The following SPTLC3 variants were observed in gnomAD, a reference collection of about 807,000 sequenced individuals.
SPTLC3 encodes serine palmitoyltransferase long chain base subunit 3.
Under a neutral mutation model 59.3 loss-of-function variants are expected in SPTLC3, and 36 were observed. That is an observed-to-expected ratio of 0.61 (90% CI 0.47 to 0.80). SPTLC3 has a LOEUF of 0.80. Ranked by LOEUF, SPTLC3 falls within the 30% of genes least tolerant of loss-of-function variation. The pLI is 0.00. For missense variants in SPTLC3, 625 were observed against 685.1 expected, an observed-to-expected ratio of 0.91 and a Z score of 0.98; for synonymous variants, 257 against 240.8, an observed-to-expected ratio of 1.07 and a Z score of -0.62.
In SPTLC3 at chr20:13,168,005, A is replaced by T. The variant is rs1432126516; in HGVS notation, c.*3138A>T. ...ATTCCACAGTCAACCTTCTCTTCTC[A>T]TTGGGACATTTTGTTCCCATTTTCC... On this transcript the variant is annotated 3_prime_UTR_variant, in exon 12 of 12. Coordinates refer to ENST00000399002, the MANE Select transcript of SPTLC3 (RefSeq NM_018327.4). The T allele has an allele frequency of 1.3e-5, 2 of 152,168 alleles. No homozygotes were observed. The highest frequency in any genetic ancestry group is 2.9e-5 in the Non-Finnish European group (2 of 68,032). 9.4% of individuals were successfully genotyped at this position (152,168 alleles called of 1,614,324 possible). A position where few individuals can be genotyped will look rare whatever the true frequency, so the allele number is the denominator to read the frequency against.
intron 2 of SPTLC3, among the ~76,000 whole-genome samples, chr20:13,052,908 T>G (rs956081958): frequency 6.6e-6 from 1 of 152,144 alleles, no homozygotes; most frequent in African/African-American, 2.4e-5. Flanking sequence ...GGTTTATAGA[T>G]GGAACTCCCA....
chr20:13,021,313 C>G (rs963196482), intron 1 of SPTLC3, among the ~76,000 whole-genome samples: 2 of 152,186 alleles, frequency 1.3e-5, no homozygotes, highest in African/African-American at 4.8e-5. Flanking sequence ...CTGCATATCT[C>G]TCATGAAGAT....
chr20:13,071,943 G>C (rs1277335250), intron 2 of SPTLC3, among the ~76,000 whole-genome samples: 1 of 152,070 alleles, frequency 6.6e-6, no homozygotes, highest in Non-Finnish European at 1.5e-5. Flanking sequence ...TTTTTCCAAC[G>C]AAACTGCTTT....
chr20:13,056,903 G>C (rs6041823), intron 2 of SPTLC3, among the ~76,000 whole-genome samples: 132,443 of 151,914 alleles, frequency 0.87, 57,796 homozygotes, highest in East Asian at 0.91. Context: ...CACCATGCCT[G>C]GCTAATTTTT....
rs563032472 is a variant in SPTLC3, at chr20:13,142,379, T to C, written c.1280-11624T>C. Among the ~76,000 whole-genome samples, 69 of 152,168 alleles carry C rather than the reference T, an allele frequency of 4.5e-4. 1 individual carries two copies. Among genetic ancestry groups the C allele is most frequent in the Non-Finnish European group, 9.6e-4 (65 of 68,038 alleles). On this transcript the variant is annotated intron_variant, in intron 9 of 11. Transcript: ENST00000399002. ...GTGATGTAATACATATGGAATTCCA[T>C]GTTGGTTCAGTACAAGTGGGAAAGG...
chr20:13,020,312 A>C (rs1985804132), intron 1 of SPTLC3, among the ~76,000 whole-genome samples: 1 of 151,724 alleles, frequency 6.6e-6, no homozygotes. Flanking sequence ...AGGAGTTTGA[A>C]ACCAGTCTGG....
At chr20:13,139,188 A>G (rs979598607) in intron 9 of SPTLC3, among the ~76,000 whole-genome samples, 2 of 152,218 alleles carry the variant, frequency 1.3e-5, no homozygotes, top group Non-Finnish European at 2.9e-5. Flanking sequence ...CTTGGTGACT[A>G]GTAACAAGAG....
At chr20:13,028,515 C>T (rs1307161493) in intron 1 of SPTLC3, among the ~76,000 whole-genome samples, 1 of 152,158 alleles carries the variant, frequency 6.6e-6, no homozygotes, top group Non-Finnish European at 1.5e-5. Context: ...GATTAAGAGA[C>T]AGTCCCTAGG....
At chr20:13,038,522 C>T (rs1986835556) in intron 1 of SPTLC3, among the ~76,000 whole-genome samples, 1 of 152,086 alleles carries the variant, frequency 6.6e-6, no homozygotes, top group African/African-American at 2.4e-5. Context: ...AGAACAGCAG[C>T]AATGTCCCTC....
intron 4 of SPTLC3, among the ~76,000 whole-genome samples, chr20:13,076,260 T>C (rs776986265): frequency 5.9e-5 from 9 of 152,206 alleles, no homozygotes; most frequent in Non-Finnish European, 1.0e-4. Context: ...ACATTAACAA[T>C]AATCTTAACA....
At chr20:13,089,696 G>A (rs1195448940) in intron 4 of SPTLC3, among the ~76,000 whole-genome samples, 1 of 146,736 alleles carries the variant, frequency 6.8e-6, no homozygotes, top group Non-Finnish European at 1.5e-5. Context: ...TGAGGCAGGA[G>A]AATTGATTGA....
At chr20:13,117,446 A>G (rs565651465) in intron 7 of SPTLC3, 60 bp from the exon 8 acceptor site, 1 of 1,463,168 alleles carries the variant, frequency 6.8e-7, no homozygotes, top group South Asian at 1.4e-5. Flanking sequence ...TGATGGGGAA[A>G]CTGACAGAGC....
At chr20:13,157,851 T>C (rs1162427767) in intron 10 of SPTLC3, among the ~76,000 whole-genome samples, 1 of 152,234 alleles carries the variant, frequency 6.6e-6, no homozygotes, top group Non-Finnish European at 1.5e-5. Flanking sequence ...GTTAATTGTA[T>C]AAGCCACTGT....
rs558646916 is a variant in SPTLC3 at position 13,138,964 on chromosome 20, A to T, written c.1279+12247A>T. On this transcript the variant is annotated intron_variant, in intron 9 of 11. Coordinates refer to ENST00000399002, the MANE Select transcript of SPTLC3 (RefSeq NM_018327.4). ...GACACAATCTGAAACTCAAAAGTGT[A>T]TTTGACTTTTTCATACACAGTAATC... 3.9e-5 allele frequency among the ~76,000 whole-genome samples: 6 copies of T among 152,298 alleles called. No homozygotes were observed. The South Asian group carries it at 1.2e-3, about 32-fold the overall frequency.
At chr20:13,018,885 A>G (rs1410101948) in intron 1 of SPTLC3, among the ~76,000 whole-genome samples, 1 of 152,228 alleles carries the variant, frequency 6.6e-6, no homozygotes, top group Non-Finnish European at 1.5e-5. Flanking sequence ...CGACAGAAAG[A>G]TCTATTGCCA....
intron 1 of SPTLC3, among the ~76,000 whole-genome samples, chr20:13,030,202 G>A (rs952767044): frequency 2.0e-5 from 3 of 152,060 alleles, no homozygotes; most frequent in Non-Finnish European, 4.4e-5. Flanking sequence ...AATGCCACAG[G>A]GCACACCACA....
chr20:13,017,787 A>G (rs1349186207), intron 1 of SPTLC3, among the ~76,000 whole-genome samples: 1 of 152,224 alleles, frequency 6.6e-6, no homozygotes, highest in East Asian at 1.9e-4. Context: ...ATTGAGAGGT[A>G]GAATCTAATT....
At chr20:13,098,314 T>C (rs1989492294) in intron 6 of SPTLC3, among the ~76,000 whole-genome samples, 1 of 152,178 alleles carries the variant, frequency 6.6e-6, no homozygotes, top group East Asian at 1.9e-4. Flanking sequence ...ATTGTGTGTG[T>C]GTGTACACAC....
intron 9 of SPTLC3, among the ~76,000 whole-genome samples, chr20:13,136,221 G>T (rs2038239818): frequency 6.6e-6 from 1 of 152,096 alleles, no homozygotes; most frequent in Admixed American, 6.5e-5. Flanking sequence ...AGAAAAGGAA[G>T]GAGAAAACTA....
Sources: gnomAD v4.1 joint callset for allele counts (sites outside exome capture counted in the v4.1 genomes callset) on GRCh38, gnomAD v4.1.1 for gene constraint, MANE v1.5 for transcripts, NCBI Gene and HGNC (gene_info 2026-07-23, HGNC 2026-07-21) for gene names.